DNAH14: variants seen among roughly 807,000 people sequenced by gnomAD.
The protein encoded by DNAH14 is dynein axonemal heavy chain 14, also known as axonemal beta dynein heavy chain 14.
Under a neutral mutation model 520.9 loss-of-function variants are expected in DNAH14, and 478 were observed. The observed-to-expected ratio is 0.92, with a 90% CI of 0.85 to 0.99. DNAH14 has a LOEUF of 0.99. Ranked by LOEUF, DNAH14 falls within the 50% of genes least tolerant of loss-of-function variation. The pLI, the probability that DNAH14 is intolerant of heterozygous loss-of-function variation, is 0.00. For synonymous variants in DNAH14, 1,581 were observed against 1,757.2 expected (o/e 0.90, Z 2.51); for missense variants, 4,831 against 5,234.5 (o/e 0.92, Z 2.38).
chr1:225,325,544 T>G (rs1489790818), intron 64 of DNAH14, among the ~76,000 whole-genome samples: 1 of 152,180 alleles, frequency 6.6e-6, no homozygotes, highest in African/African-American at 2.4e-5. Flanking sequence ...CCTGTTGATT[T>G]GTAAAGGCAT....
intron 55 of DNAH14, among the ~76,000 whole-genome samples, chr1:225,295,137 G>C (rs1041272585): frequency 6.6e-6 from 1 of 151,854 alleles, no homozygotes; most frequent in Non-Finnish European, 1.5e-5. Flanking sequence ...TTATTTATTT[G>C]GATCTTTTCC....
Position 225,340,553 on chromosome 1 carries a change from G to A in DNAH14, c.10530G>A (p.Leu3510=). 1 of 1,551,380 alleles carries A rather than the reference G, an allele frequency of 6.4e-7. No individual in the cohort carries two copies. The highest frequency in any genetic ancestry group is 8.7e-7 in the Non-Finnish European group (1 of 1,146,854). ...ACTTCACTGTAACATTCCAAGGTTT[G>A]CAAGATCAACTCTTGTCTACTGTGG... ...MINFTVTFQG[L]QDQLLSTVVT... is the part of the protein sequence containing the mutation. The change falls in exon 69 of 86, where the codon TTG becomes TTA. Residue 3510 remains leucine (L), a synonymous_variant. Transcript: ENST00000682510.
chr1:225,376,774 A>G (rs1009020285), intron 78 of DNAH14, among the ~76,000 whole-genome samples: 26 of 152,166 alleles, frequency 1.7e-4, no homozygotes, highest in African/African-American at 6.3e-4. Context: ...CATTTTCCTT[A>G]ATGATATCAA....
intron 17 of DNAH14, among the ~76,000 whole-genome samples, chr1:225,065,224 T>G (rs1041680418): frequency 1.3e-5 from 2 of 151,962 alleles, no homozygotes; most frequent in African/African-American, 4.8e-5. Context: ...GGGTTTTACA[T>G]TGTTGTATAT....
At chr1:225,263,199 TATAC>T (rs2092996089) in intron 46 of DNAH14, among the ~76,000 whole-genome samples, 1 of 150,406 alleles carries the variant, frequency 6.6e-6, no homozygotes, top group East Asian at 1.9e-4. Flanking sequence ...GAGATATATA[TATAC>T]ACACACATAT....
At chr1:225,257,290 T>G (rs575669262) in intron 44 of DNAH14, among the ~76,000 whole-genome samples, 170 of 152,288 alleles carry the variant, frequency 1.1e-3, no homozygotes, top group African/African-American at 3.9e-3. Context: ...TCTGTGGTAA[T>G]GAAAGTGATG....
At chr1:225,017,369 C>T (rs187810545) in intron 10 of DNAH14, among the ~76,000 whole-genome samples, 1 of 152,272 alleles carries the variant, frequency 6.6e-6, no homozygotes, top group Admixed American at 6.5e-5. Context: ...ATTAATCAGG[C>T]TAATAAAAAT....
chr1:225,104,629 A>G (rs140059369), intron 23 of DNAH14, among the ~76,000 whole-genome samples: 50,797 of 151,882 alleles, frequency 0.33, 10,124 homozygotes, highest in East Asian at 0.54. Flanking sequence ...TGTATGTGTC[A>G]AGGAATTTAT....
chr1:225,337,939 T>G, intron 67 of DNAH14, 122 bp from the exon 68 acceptor site: 1 of 963,810 alleles, frequency 1.0e-6, no homozygotes, highest in Non-Finnish European at 1.5e-6. Context: ...TGTTGTACTA[T>G]GAAATACTAG....
At chr1:225,195,370 C>T (rs112906703) in intron 38 of DNAH14, among the ~76,000 whole-genome samples, 16,946 of 151,696 alleles carry the variant, frequency 0.11, 1,471 homozygotes, top group East Asian at 0.23. Flanking sequence ...TGGATGGAGC[C>T]GGAGGCCATT....
intron 53 of DNAH14, among the ~76,000 whole-genome samples, chr1:225,276,875 T>A (rs1169716841): frequency 6.7e-6 from 1 of 149,214 alleles, no homozygotes; most frequent in Non-Finnish European, 1.5e-5. Flanking sequence ...GAGCCGTGAT[T>A]GTGAAACTGC....
intron 17 of DNAH14, among the ~76,000 whole-genome samples, chr1:225,060,124 C>G (rs1328307993): frequency 1.3e-5 from 2 of 152,214 alleles, no homozygotes; most frequent in Non-Finnish European, 2.9e-5. Context: ...AGAGTGTTTT[C>G]CGACTTGGTT....
At chr1:225,254,856 T>C (rs1345142366) in intron 44 of DNAH14, among the ~76,000 whole-genome samples, 1 of 152,208 alleles carries the variant, frequency 6.6e-6, no homozygotes, top group African/African-American at 2.4e-5. Flanking sequence ...AATTGAGGTA[T>C]TGCCTACGCA....
At chr1:225,055,804 C>G (rs1242944693) in intron 17 of DNAH14, among the ~76,000 whole-genome samples, 3 of 151,046 alleles carry the variant, frequency 2.0e-5, no homozygotes, top group Non-Finnish European at 4.4e-5. Context: ...TTTGTCCTTG[C>G]GATAGTTTGC....
chr1:225,147,448 C>CT (rs2080056647), intron 31 of DNAH14, among the ~76,000 whole-genome samples, 199 bp downstream of exon 31: 1 of 151,966 alleles, frequency 6.6e-6, no homozygotes, highest in Non-Finnish European at 1.5e-5. Context: ...ATTTATAACT[C>CT]TAACTTTCAG....
rs540744832 is a variant in DNAH14, at chr1:225,156,867, A to C, written c.5274-2447A>C. 1.1e-3 allele frequency among the ~76,000 whole-genome samples: 149 copies of C among 137,566 alleles called. 21 individuals are homozygous for C. The highest frequency in any genetic ancestry group is 4.1e-3 in the African/African-American group (145 of 35,398). The allele number at this position is 137,566 out of a possible 152,430, so 90.2% of individuals were successfully genotyped here. A position where few individuals can be genotyped will look rare whatever the true frequency, so the allele number is the denominator to read the frequency against. On this transcript the variant is annotated intron_variant, in intron 34 of 85. Coordinates refer to ENST00000682510, the MANE Select transcript of DNAH14 (RefSeq NM_001367479.1). ...GTAGCTGGGACTACAGGCGCCCGCC[A>C]CTACGCCCGGCTAATTTTTTTGTAT...
intron 27 of DNAH14, among the ~76,000 whole-genome samples, chr1:225,126,423 G>T (rs903916398): frequency 6.6e-6 from 1 of 152,064 alleles, no homozygotes; most frequent in Non-Finnish European, 1.5e-5. Flanking sequence ...ACTTCTTCCT[G>T]GTTTAGTCTT....
intron 85 of DNAH14, 121 bp downstream of exon 85, chr1:225,398,787 C>G: frequency 7.5e-7 from 1 of 1,340,402 alleles, no homozygotes; most frequent in Non-Finnish European, 1.0e-6. Context: ...TATACTCAGA[C>G]AACAAAGATT....
intron 11 of DNAH14, chr1:225,024,211 C>T: frequency 1.0e-6 from 1 of 989,754 alleles, no homozygotes; most frequent in Non-Finnish European, 1.2e-6. Flanking sequence ...AATTCTGTGC[C>T]TAAGTATACT....
Sources: gnomAD v4.1 joint callset for allele counts (sites outside exome capture counted in the v4.1 genomes callset) on GRCh38, gnomAD v4.1.1 for gene constraint, MANE v1.5 for transcripts, NCBI Gene and HGNC (gene_info 2026-07-23, HGNC 2026-07-21) for gene names.